EFCAB6: variants seen among roughly 807,000 people sequenced by gnomAD.
The protein encoded by EFCAB6 is EF-hand calcium-binding domain-containing protein 6.
In EFCAB6, 156 loss-of-function variants were observed where a neutral mutation model predicts 169.8. The observed-to-expected ratio is 0.92, with a 90% confidence interval of 0.81 to 1.05. The LOEUF (loss-of-function observed/expected upper bound fraction) is 1.05, where lower values mean the gene tolerates loss of function less well. EFCAB6 is among the 50% of genes least tolerant of loss of function. The pLI, the probability that EFCAB6 is intolerant of heterozygous loss-of-function variation, is 0.00. For synonymous variants in EFCAB6, 698 were observed against 676.4 expected (o/e 1.03, Z -0.50); for missense variants, 1,800 against 1,829.1 (o/e 0.98, Z 0.29).
chr22:43,773,659 C>A (rs1265950383), intron 3 of EFCAB6, among the ~76,000 whole-genome samples: 1 of 152,142 alleles, frequency 6.6e-6, no homozygotes, highest in East Asian at 1.9e-4. Context: ...ACCAGCCTGG[C>A]CAACATGGCG....
chr22:43,793,678 G>A (rs2062393510), intron 2 of EFCAB6, among the ~76,000 whole-genome samples: 1 of 142,910 alleles, frequency 7.0e-6, no homozygotes, highest in African/African-American at 2.6e-5. Flanking sequence ...TGCTCTGTGG[G>A]GTACCTGTCT....
chr22:43,567,350 G>A (rs1210481132), intron 26 of EFCAB6, among the ~76,000 whole-genome samples: 1 of 152,124 alleles, frequency 6.6e-6, no homozygotes, highest in Non-Finnish European at 1.5e-5. Flanking sequence ...AAATTCATGG[G>A]TGAAGTCATT....
chr22:43,779,962 G>A (rs1440905656), intron 3 of EFCAB6, among the ~76,000 whole-genome samples: 3 of 152,188 alleles, frequency 2.0e-5, no homozygotes, highest in African/African-American at 7.2e-5. Context: ...ACTCACAAAA[G>A]CAAAAGGCAT....
rs866662810 is a variant in EFCAB6, at chr22:43,675,240, T to C, written c.1419+2756A>G. ...ATATAACTATGTATATATAACTATGTTATTATATATTATGTGTATATAATA... is the reference window on the plus strand; with the variant it reads ...ATATAACTATGTATATATAACTATGCTATTATATATTATGTGTATATAATA... On this transcript the variant is annotated intron_variant, in intron 13 of 31. Coordinates refer to ENST00000262726, the MANE Select transcript of EFCAB6 (RefSeq NM_022785.4). Among the ~76,000 whole-genome samples the C allele has an allele frequency of 3.1e-4, 45 of 143,404 alleles. No homozygotes were observed. In the Middle Eastern group the frequency reaches 0.018, roughly 59 times the overall value. 94.1% of individuals were successfully genotyped at this position (143,404 alleles called of 152,430 possible).
intron 23 of EFCAB6, among the ~76,000 whole-genome samples, chr22:43,591,708 G>A (rs748912740): frequency 1.3e-5 from 2 of 152,102 alleles, no homozygotes; most frequent in African/African-American, 4.8e-5. Context: ...TCTTTCTGTC[G>A]CTCCCAGCTT....
At chr22:43,716,616 T>C in intron 9 of EFCAB6, 4 of 422,650 alleles carry the variant, frequency 9.5e-6, no homozygotes, top group Non-Finnish European at 1.6e-5. Flanking sequence ...TTAGAGTTAG[T>C]ATGTGAGTAG....
At chr22:43,742,929 C>T (rs1187396227) in intron 6 of EFCAB6, among the ~76,000 whole-genome samples, 1 of 152,122 alleles carries the variant, frequency 6.6e-6, no homozygotes, top group African/African-American at 2.4e-5. Context: ...GAGACCAAAC[C>T]CACTGGGCTC....
In EFCAB6 at chr22:43,623,908, C is replaced by CAA. The variant is rs59667895; in HGVS notation, c.2465+2537_2465+2538dup. Among the ~76,000 whole-genome samples, 728 of 94,760 alleles carry CAA rather than the reference C, an allele frequency of 7.7e-3. 4 individuals carry two copies. The highest frequency in any genetic ancestry group is 0.013 in the Middle Eastern group (2 of 154). 62.2% of individuals were successfully genotyped at this position (94,760 alleles called of 152,430 possible). A position where few individuals can be genotyped will look rare whatever the true frequency, so the allele number is the denominator to read the frequency against. ...TGGGTGACAGAGCGAGACTCCTTCT[C>CAA]AAAAAAAAAAAAAAGAAAAAAAAGA... On this transcript the variant is annotated intron_variant, in intron 20 of 31. Coordinates refer to ENST00000262726, the MANE Select transcript of EFCAB6 (RefSeq NM_022785.4).
chr22:43,738,108 TCA>T lies in EFCAB6; in HGVS notation c.508-2117_508-2116del, dbSNP rs1262885030. On this transcript the variant is annotated intron_variant, in intron 6 of 31. Coordinates refer to ENST00000262726, the MANE Select transcript of EFCAB6 (RefSeq NM_022785.4). Reference sequence around the variant, plus strand: ...CATGCAGATACATGCACACACACCATCACACACATATATTCATACACACACCT... The same window carrying T: ...CATGCAGATACATGCACACACACCATCACACATATATTCATACACACACCT... 1.3e-4 allele frequency among the ~76,000 whole-genome samples: 17 copies of T among 131,822 alleles called. No individual in the cohort carries two copies. In the East Asian group the frequency reaches 3.5e-3, roughly 27 times the overall value. The allele number at this position is 131,822 out of a possible 152,430, so 86.5% of individuals were successfully genotyped here. A position where few individuals can be genotyped will look rare whatever the true frequency, so the allele number is the denominator to read the frequency against.
At chr22:43,796,083 CCTT>C (rs1413491689) in intron 2 of EFCAB6, among the ~76,000 whole-genome samples, 5 of 151,938 alleles carry the variant, frequency 3.3e-5, no homozygotes, top group Non-Finnish European at 7.4e-5. Flanking sequence ...CACCACATGT[CCTT>C]CTACTCCTGT....
chr22:43,634,675 C>T (rs1443361446), intron 18 of EFCAB6, among the ~76,000 whole-genome samples: 4 of 92,270 alleles, frequency 4.3e-5, no homozygotes, highest in East Asian at 2.6e-4. Context: ...CGGTGGGGGG[C>T]GGGCCTGGGG....
chr22:43,648,765 T>G (rs561698135), intron 17 of EFCAB6, among the ~76,000 whole-genome samples: 1 of 152,216 alleles, frequency 6.6e-6, no homozygotes, highest in Non-Finnish European at 1.5e-5. Context: ...GAGCTGAGAT[T>G]TGAGCCCTGG....
At chr22:43,741,003 T>C (rs2060349335) in intron 6 of EFCAB6, among the ~76,000 whole-genome samples, 1 of 152,174 alleles carries the variant, frequency 6.6e-6, no homozygotes. Context: ...AAGGCTCTTA[T>C]CATTTGTCAG....
At chr22:43,647,916 A>T (rs2056265064) in intron 17 of EFCAB6, among the ~76,000 whole-genome samples, 1 of 152,202 alleles carries the variant, frequency 6.6e-6, no homozygotes, top group African/African-American at 2.4e-5. Flanking sequence ...GGCTCTGCTG[A>T]CACCTTGATT....
At chr22:43,792,419 A>G (rs1603379278) in intron 2 of EFCAB6, among the ~76,000 whole-genome samples, 1 of 152,232 alleles carries the variant, frequency 6.6e-6, no homozygotes, top group East Asian at 1.9e-4. Flanking sequence ...AGATGTGCAC[A>G]TCTTGGCCAG....
At chr22:43,638,946 C>T (rs1001053647) in intron 17 of EFCAB6, among the ~76,000 whole-genome samples, 14 of 151,960 alleles carry the variant, frequency 9.2e-5, no homozygotes, top group South Asian at 4.2e-4. Context: ...CCACCATGCC[C>T]GGCTAATTTT....
At chr22:43,763,561 T>C (rs1462785575) in intron 5 of EFCAB6, among the ~76,000 whole-genome samples, 1 of 152,206 alleles carries the variant, frequency 6.6e-6, no homozygotes, top group Non-Finnish European at 1.5e-5. Context: ...GCATCCGTCA[T>C]AAAAGCCATG....
At chr22:43,811,082 C>T (rs1051139711) in intron 1 of EFCAB6, among the ~76,000 whole-genome samples, 1 of 151,956 alleles carries the variant, frequency 6.6e-6, no homozygotes, top group African/African-American at 2.4e-5. Context: ...GAGTTTGAAA[C>T]CAACCTGGCC....
At chr22:43,688,859 G>T (rs1202987994) in intron 10 of EFCAB6, among the ~76,000 whole-genome samples, 1 of 152,216 alleles carries the variant, frequency 6.6e-6, no homozygotes, top group Non-Finnish European at 1.5e-5. Flanking sequence ...AGATCTCAAA[G>T]TGGGCATGAA....
Sources: allele counts gnomAD v4.1 joint callset (sites outside exome capture counted in the v4.1 genomes callset), GRCh38; gene constraint gnomAD v4.1.1; transcripts MANE v1.5; gene names NCBI Gene and HGNC (gene_info 2026-07-23, HGNC 2026-07-21).